The following DCLK2 variants were observed in gnomAD, a reference collection of about 807,000 sequenced individuals.
The protein encoded by DCLK2 is doublecortin like kinase 2, also known as serine/threonine-protein kinase DCLK2.
In DCLK2, 31 loss-of-function variants were observed where a neutral mutation model predicts 78.4. The observed-to-expected ratio is 0.40, with a 90% confidence interval of 0.30 to 0.53. The LOEUF is 0.53. DCLK2 is among the 20% of genes least tolerant of loss of function. DCLK2 has a pLI of 0.61. For synonymous variants in DCLK2, 407 were observed against 374.9 expected, an observed-to-expected ratio of 1.09 and a Z score of -0.99; for missense variants, 872 against 973.7, an observed-to-expected ratio of 0.90 and a Z score of 1.39.
intron 4 of DCLK2, 93 bp downstream of exon 4, chr4:150,198,196 G>C: frequency 1.8e-6 from 2 of 1,138,254 alleles, no homozygotes; most frequent in Non-Finnish European, 1.2e-6. Context: ...GTCTTTGCCA[G>C]GGTCGTATGC....
At chr4:150,112,852 C>T (rs1731795740) in intron 2 of DCLK2, among the ~76,000 whole-genome samples, 1 of 117,480 alleles carries the variant, frequency 8.5e-6, no homozygotes, top group South Asian at 3.1e-4. Flanking sequence ...TTTCTGTTGC[C>T]CAGGCTGGAG....
At chr4:150,157,756 G>A (rs1235717751) in intron 2 of DCLK2, among the ~76,000 whole-genome samples, 4 of 152,034 alleles carry the variant, frequency 2.6e-5, no homozygotes, top group African/African-American at 4.8e-5. Context: ...CAAGTGATCC[G>A]CCTGCCATGG....
chr4:150,084,041 T>C (rs796799902), intron 1 of DCLK2, among the ~76,000 whole-genome samples: 4 of 152,356 alleles, frequency 2.6e-5, no homozygotes, highest in African/African-American at 7.2e-5. Flanking sequence ...GATGGCCATA[T>C]TGGCCGGGGT....
In DCLK2 at chr4:150,252,175, T is replaced by C. The variant is rs554329763; in HGVS notation, c.2073+2491T>C. 1.9e-3 allele frequency among the ~76,000 whole-genome samples: 286 copies of C among 152,350 alleles called. 1 individual carries two copies. The highest frequency in any genetic ancestry group is 4.2e-3 in the African/African-American group (175 of 41,576). ...ATTGAGCCAACAGCATGAGAATGTTTCCAGCGATTCCCTTGCGAGAGCTAG... is the reference window on the plus strand; with the variant it reads ...ATTGAGCCAACAGCATGAGAATGTTCCCAGCGATTCCCTTGCGAGAGCTAG... On this transcript the variant is annotated intron_variant, in intron 15 of 15. Transcript: ENST00000296550.
rs374531643 is a variant in DCLK2 at position 150,250,842 on chromosome 4, C to G, written c.2073+1158C>G. Among the ~76,000 whole-genome samples the G allele has an allele frequency of 2.7e-5, 4 of 149,574 alleles. No homozygotes were observed. The East Asian group carries it at 7.9e-4, about 30-fold the overall frequency. On this transcript the variant is annotated intron_variant, in intron 15 of 15. Transcript: ENST00000296550. ...AGATAGAAGCTATAAGGAAGCCACA[C>G]ACATAACCCACATCCCCACACCCCC...
intron 2 of DCLK2, among the ~76,000 whole-genome samples, 170 bp from the exon 3 acceptor site, chr4:150,192,968 T>C (rs1738579066): frequency 6.6e-6 from 1 of 152,202 alleles, no homozygotes. Context: ...GTTGAGAGAA[T>C]GTGTAAAAGT....
At chr4:150,166,027 C>T (rs995030610) in intron 2 of DCLK2, among the ~76,000 whole-genome samples, 1 of 152,204 alleles carries the variant, frequency 6.6e-6, no homozygotes, top group Non-Finnish European at 1.5e-5. Flanking sequence ...CCTTGGACTT[C>T]CCAGCTTCCA....
At chr4:150,105,335 A>T (rs1182391966) in intron 2 of DCLK2, among the ~76,000 whole-genome samples, 1 of 152,164 alleles carries the variant, frequency 6.6e-6, no homozygotes, top group African/African-American at 2.4e-5. Flanking sequence ...GACAAATGCT[A>T]CAATGAAAAA....
intron 2 of DCLK2, among the ~76,000 whole-genome samples, chr4:150,112,390 G>A (rs999704656): frequency 1.3e-5 from 2 of 152,156 alleles, no homozygotes; most frequent in Non-Finnish European, 2.9e-5. Flanking sequence ...AATATCATCA[G>A]CAAACTTAGA....
At chr4:150,225,601 A>G (rs891115901) in intron 8 of DCLK2, among the ~76,000 whole-genome samples, 2 of 152,254 alleles carry the variant, frequency 1.3e-5, no homozygotes, top group African/African-American at 4.8e-5. Context: ...GCTGCTAAGT[A>G]TAAAATACAC....
intron 2 of DCLK2, among the ~76,000 whole-genome samples, chr4:150,182,911 T>C (rs1262066900): frequency 6.6e-6 from 1 of 152,298 alleles, no homozygotes; most frequent in African/African-American, 2.4e-5. Context: ...TTTAGCTGAA[T>C]TCTGATAATG....
At chr4:150,247,775 C>G in intron 13 of DCLK2, 76 bp downstream of exon 13, 1 of 1,155,960 alleles carries the variant, frequency 8.7e-7, no homozygotes, top group Admixed American at 2.0e-5. Context: ...TGTAGCTGCG[C>G]TAGGTATTGC....
In DCLK2 at chr4:150,256,305, G is replaced by C. The variant is rs939277620; in HGVS notation, c.*58G>C. 2.1e-6 allele frequency: 3 copies of C among 1,444,294 alleles called. No homozygotes were observed. Among genetic ancestry groups the C allele is most frequent in the East Asian group, 2.5e-5 (1 of 39,784 alleles). The allele number at this position is 1,444,294 out of a possible 1,614,324, so 89.5% of individuals were successfully genotyped here. A position where few individuals can be genotyped will look rare whatever the true frequency, so the allele number is the denominator to read the frequency against. ...AGCCCAGGAAGCCAGCCCTCTGCTC[G>C]GCCTCGCCGGCCTCCCTGCTGCAGG... is the stretch of plus-strand genomic sequence containing the variant. On this transcript the variant is annotated 3_prime_UTR_variant, in exon 16 of 16. Coordinates refer to ENST00000296550, the MANE Select transcript of DCLK2 (RefSeq NM_001040260.4).
At chr4:150,123,829 C>T (rs775463445) in intron 2 of DCLK2, among the ~76,000 whole-genome samples, 11 of 152,006 alleles carry the variant, frequency 7.2e-5, no homozygotes, top group Non-Finnish European at 1.6e-4. Flanking sequence ...AGTGCTTGAG[C>T]CCAGGAGTTC....
rs375309971 is a variant in DCLK2, at chr4:150,215,498, A to G, written c.1057-5205A>G. Among the ~76,000 whole-genome samples, 308 of 152,288 alleles carry G rather than the reference A, an allele frequency of 2.0e-3. 1 individual carries two copies. The highest frequency in any genetic ancestry group is 4.7e-3 in the African/African-American group (195 of 41,564). ...CTGAACACTTCACTGTACTCAGGGAAGTGTTTACTAATTTATTATAAAGGA... is the reference window on the plus strand; with the variant it reads ...CTGAACACTTCACTGTACTCAGGGAGGTGTTTACTAATTTATTATAAAGGA... On this transcript the variant is annotated intron_variant, in intron 5 of 15. Coordinates refer to ENST00000296550, the MANE Select transcript of DCLK2 (RefSeq NM_001040260.4).
chr4:150,248,282 C>A (rs754152237), intron 13 of DCLK2, 23 bp from the exon 14 acceptor site: 34 of 1,605,380 alleles, frequency 2.1e-5, no homozygotes, highest in Non-Finnish European at 2.8e-5. Flanking sequence ...CCTCTGTGGT[C>A]TGACTTGTTT....
intron 2 of DCLK2, among the ~76,000 whole-genome samples, chr4:150,178,575 G>A (rs931194216): frequency 8.6e-5 from 13 of 152,006 alleles, no homozygotes; most frequent in African/African-American, 2.4e-4. Context: ...ATTTATGTTG[G>A]TTTGAAAATG....
At chr4:150,219,801 G>T (rs1037606926) in intron 5 of DCLK2, among the ~76,000 whole-genome samples, 6 of 152,170 alleles carry the variant, frequency 3.9e-5, no homozygotes, top group African/African-American at 1.4e-4. Context: ...TTGAATTATT[G>T]TAAGTATAAA....
intron 4 of DCLK2, 74 bp downstream of exon 4, chr4:150,198,177 G>T: frequency 7.4e-7 from 1 of 1,348,916 alleles, no homozygotes; most frequent in Admixed American, 2.2e-5. Flanking sequence ...TAATTTTTAT[G>T]AATTAGTAGT....
Sources: allele counts gnomAD v4.1 joint callset (sites outside exome capture counted in the v4.1 genomes callset), GRCh38; gene constraint gnomAD v4.1.1; transcripts MANE v1.5; gene names NCBI Gene and HGNC (gene_info 2026-07-23, HGNC 2026-07-21).